The following FABP6 variants were observed in gnomAD, a reference collection of about 807,000 sequenced individuals.
The protein encoded by FABP6 is fatty acid binding protein 6.
Under a neutral mutation model 14.9 loss-of-function variants are expected in FABP6, and 13 were observed. The ratio of observed to expected loss-of-function variants is 0.87; its 90% CI spans 0.57 to 1.39. FABP6 has a LOEUF of 1.39. Among genes scored for constraint, FABP6 ranks in the 40% most tolerant of loss-of-function variants. FABP6 has a pLI of 0.00. For missense variants in FABP6, 161 were observed against 167.2 expected, an observed-to-expected ratio of 0.96 and a Z score of 0.20; for synonymous variants, 75 against 63.6, an observed-to-expected ratio of 1.18 and a Z score of -0.85.
chr5:160,238,090 C>G (rs1760555074), intron 3 of FABP6, among the ~76,000 whole-genome samples: 1 of 152,152 alleles, frequency 6.6e-6, no homozygotes, highest in Non-Finnish European at 1.5e-5. Flanking sequence ...GCACCGCACA[C>G]TGTGGGCCTT....
chr5:160,219,455 C>T (rs1454356430), intron 3 of FABP6, among the ~76,000 whole-genome samples: 1 of 152,094 alleles, frequency 6.6e-6, no homozygotes, highest in Non-Finnish European at 1.5e-5. Flanking sequence ...GTTCATTCAC[C>T]CCTCCGGGGA....
chr5:160,199,106 G>A (rs777082611), exon 2 of FABP6: 63 of 1,613,990 alleles, frequency 3.9e-5, no homozygotes, highest in South Asian at 9.9e-5. Context: ...GCCCAGAGGC[G>A]ATGAAGACAG....
intron 1 of FABP6, chr5:160,198,979 G>C: frequency 3.2e-6 from 3 of 949,256 alleles, no homozygotes; most frequent in South Asian, 2.7e-5. Flanking sequence ...GGATTGAATA[G>C]ACAAATGAAT....
chr5:160,203,500 A>G (rs1359298876), intron 2 of FABP6, among the ~76,000 whole-genome samples: 1 of 152,084 alleles, frequency 6.6e-6, no homozygotes, highest in African/African-American at 2.4e-5. Context: ...AAACAATGGC[A>G]TCTCATAAAT....
chr5:160,227,525 CAA>C (rs10645896), upstream of FABP6, among the ~76,000 whole-genome samples: 143 of 99,468 alleles, frequency 1.4e-3, 1 homozygote, highest in African/African-American at 4.7e-3. Flanking sequence ...GACTTCACTT[CAA>C]AAAAAAAAAA....
chr5:160,188,702 G>A (rs1473938039), intron 1 of FABP6, among the ~76,000 whole-genome samples: 2 of 152,246 alleles, frequency 1.3e-5, no homozygotes, highest in African/African-American at 4.8e-5. Flanking sequence ...TGTTAGCCAC[G>A]TGCTGGGTGG....
upstream of FABP6, chr5:160,228,637 C>T: frequency 7.0e-6 from 3 of 430,634 alleles, no homozygotes; most frequent in South Asian, 4.9e-5. Context: ...ATCCAGCATC[C>T]AGCCCAGTGC....
intron 1 of FABP6, among the ~76,000 whole-genome samples, chr5:160,190,254 C>T (rs373890412): frequency 3.3e-5 from 5 of 152,076 alleles, no homozygotes; most frequent in African/African-American, 7.2e-5. Flanking sequence ...ATTTTTGAGA[C>T]GGAGTTTTGC....
intron 1 of FABP6, among the ~76,000 whole-genome samples, chr5:160,190,036 T>C (rs745441993): frequency 2.0e-5 from 3 of 152,188 alleles, no homozygotes; most frequent in Non-Finnish European, 4.4e-5. Flanking sequence ...CTGGCTGTAT[T>C]AGATCTGCCT....
chr5:160,209,030 C>G (rs1303361596), intron 2 of FABP6, among the ~76,000 whole-genome samples: 1 of 151,302 alleles, frequency 6.6e-6, no homozygotes, highest in African/African-American at 2.4e-5. Context: ...CCTGCCTCGG[C>G]CTCCCAGAGT....
intron 3 of FABP6, among the ~76,000 whole-genome samples, chr5:160,215,570 C>A (rs1759993407): frequency 6.6e-6 from 1 of 151,422 alleles, no homozygotes; most frequent in Non-Finnish European, 1.5e-5. Flanking sequence ...CACTTGTAAT[C>A]CCAAAACTTT....
intron 2 of FABP6, among the ~76,000 whole-genome samples, chr5:160,208,738 G>C (rs899874762): frequency 6.6e-6 from 1 of 151,962 alleles, no homozygotes; most frequent in Non-Finnish European, 1.5e-5. Context: ...GACAAACCTG[G>C]CCAACATAGG....
In FABP6 at chr5:160,234,850, G is replaced by T; in HGVS notation, c.274G>T (p.Val92Leu). 6.2e-7 allele frequency: 1 copy of T among 1,611,400 alleles called. No homozygotes were observed. The highest frequency in any genetic ancestry group is 8.5e-7 in the Non-Finnish European group (1 of 1,178,638). ...ATVQMEGGKL[V>L]VNFPNYHQTS... ...TGTGCAGATGGAGGGCGGGAAGCTG[G>T]TGGTGAATTTCCCCAACTATCACCA... The change falls in exon 3 of 4, where the codon GTG becomes TTG. Residue 92 changes from valine (V) to leucine (L), a missense_variant. Physicochemically the swap from Val to Leu is conservative, Grantham distance 32 (BLOSUM62 1). Coordinates refer to ENST00000402432, the MANE Select transcript of FABP6 (RefSeq NM_001445.3).
At chr5:160,208,015 T>G (rs2113095433) in intron 2 of FABP6, among the ~76,000 whole-genome samples, 1 of 152,300 alleles carries the variant, frequency 6.6e-6, no homozygotes, top group Admixed American at 6.5e-5. Context: ...TGAGCTACCG[T>G]GCCTGGCCAT....
chr5:160,235,048 C>T (rs574136603), intron 3 of FABP6, 139 bp downstream of exon 3: 3 of 563,034 alleles, frequency 5.3e-6, no homozygotes, highest in Admixed American at 7.2e-5. Context: ...GTGCTGGATG[C>T]ACATGATGTC....
intron 2 of FABP6, among the ~76,000 whole-genome samples, chr5:160,200,377 A>G (rs561375699): frequency 6.6e-6 from 1 of 151,502 alleles, no homozygotes; most frequent in African/African-American, 2.4e-5. Flanking sequence ...TGCAGGGAAC[A>G]GCAGAGGATG....
chr5:160,218,404 C>T (rs562781279), intron 3 of FABP6, among the ~76,000 whole-genome samples: 83 of 150,820 alleles, frequency 5.5e-4, no homozygotes, highest in African/African-American at 1.9e-3. Flanking sequence ...CTGTCTCTTT[C>T]GTGTCTCATT....
chr5:160,218,094 A>C (rs1760054128), intron 3 of FABP6, among the ~76,000 whole-genome samples: 2 of 152,104 alleles, frequency 1.3e-5, no homozygotes, highest in African/African-American at 2.4e-5. Flanking sequence ...ACAGGCCACC[A>C]TGCCTAGCTT....
chr5:160,201,354 T>C (rs961044565), intron 2 of FABP6, among the ~76,000 whole-genome samples: 3 of 140,638 alleles, frequency 2.1e-5, no homozygotes, highest in African/African-American at 7.7e-5. Context: ...CGAGACCCTG[T>C]CTCAAATAAA....
Sources: allele counts gnomAD v4.1 joint callset (sites outside exome capture counted in the v4.1 genomes callset), GRCh38; gene constraint gnomAD v4.1.1; transcripts MANE v1.5; gene names NCBI Gene and HGNC (gene_info 2026-07-23, HGNC 2026-07-21).